The following EDEM1 variants were observed in gnomAD, a reference collection of about 807,000 sequenced individuals.
EDEM1 encodes ER degradation-enhancing alpha-mannosidase-like protein 1.
EDEM1 carries 67 observed loss-of-function variants against 74.4 expected under a neutral mutation model. The ratio of observed to expected loss-of-function variants is 0.90; its 90% confidence interval spans 0.74 to 1.10. The LOEUF is 1.10. Ranked by LOEUF, EDEM1 falls within the 50% of genes least tolerant of loss-of-function variation. EDEM1 has a pLI of 0.00. For synonymous variants in EDEM1, 382 were observed against 335.9 expected (o/e 1.14, Z -1.50); for missense variants, 926 against 851.6 (o/e 1.09, Z -1.09).
At position 5,216,230 on chromosome 3, in the gene EDEM1, C is replaced by G; in HGVS notation, c.*312C>G. ...GATTGATGTTCACAGCTTTATACTT[C>G]AGAACCTAAGTCTCTTCACTTTGCT... On this transcript the variant is annotated 3_prime_UTR_variant, in exon 12 of 12. Coordinates refer to ENST00000256497, the MANE Select transcript of EDEM1 (RefSeq NM_014674.3). The G allele has an allele frequency of 3.1e-6, 1 of 321,824 alleles. No individual in the cohort carries two copies. Among genetic ancestry groups the G allele is most frequent in the Non-Finnish European group, 5.6e-6 (1 of 178,758 alleles). 19.9% of individuals were successfully genotyped at this position (321,824 alleles called of 1,614,324 possible).
In EDEM1 at chr3:5,217,582, A is replaced by G. The variant is rs1027190168; in HGVS notation, c.*1664A>G. The G allele has an allele frequency of 2.0e-5, 3 of 152,616 alleles. No individual in the cohort carries two copies. Among genetic ancestry groups the G allele is most frequent in the African/African-American group, 7.2e-5 (3 of 41,436 alleles). 9.5% of individuals were successfully genotyped at this position (152,616 alleles called of 1,614,324 possible). A position where few individuals can be genotyped will look rare whatever the true frequency, so the allele number is the denominator to read the frequency against. Reference sequence around the variant, plus strand: ...GTTCTTTGAGATTTTTGAAAAGAGTATTTTCAGTAATAAACGTGCCATCTC... The same window carrying G: ...GTTCTTTGAGATTTTTGAAAAGAGTGTTTTCAGTAATAAACGTGCCATCTC... On this transcript the variant is annotated 3_prime_UTR_variant, in exon 12 of 12. Coordinates refer to ENST00000256497, the MANE Select transcript of EDEM1 (RefSeq NM_014674.3).
chr3:5,210,312 G>T, intron 9 of EDEM1, 64 bp downstream of exon 9: 2 of 1,447,718 alleles, frequency 1.4e-6, no homozygotes, highest in South Asian at 1.2e-5. Flanking sequence ...AATTGTTTTG[G>T]GGAAATATCC....
At chr3:5,200,447 C>G (rs892937053) in intron 3 of EDEM1, among the ~76,000 whole-genome samples, 1 of 152,152 alleles carries the variant, frequency 6.6e-6, no homozygotes, top group South Asian at 2.1e-4. Context: ...TCTCTCACTT[C>G]TATTTCTCTC....
intron 6 of EDEM1, among the ~76,000 whole-genome samples, chr3:5,206,467 A>C (rs887349655): frequency 6.6e-6 from 1 of 151,876 alleles, no homozygotes; most frequent in Non-Finnish European, 1.5e-5. Context: ...CGGCCTCCCA[A>C]AGTGCTGGGA....
At chr3:5,210,929 C>T (rs978289452) in intron 9 of EDEM1, among the ~76,000 whole-genome samples, 191 bp from the exon 10 acceptor site, 2 of 152,210 alleles carry the variant, frequency 1.3e-5, no homozygotes, top group Admixed American at 6.5e-5. Context: ...ATTTAGCAGC[C>T]AAAAGCACTT....
In EDEM1 at chr3:5,187,745, T is replaced by C. The variant is rs2054840988; in HGVS notation, c.-61T>C. 2 of 1,448,552 alleles carry C rather than the reference T, an allele frequency of 1.4e-6. No individual in the cohort carries two copies. The highest frequency in any genetic ancestry group is 1.8e-6 in the Non-Finnish European group (2 of 1,100,546). The allele number at this position is 1,448,552 out of a possible 1,614,324, so 89.7% of individuals were successfully genotyped here. ...GCCGGGCTACGGGGCGAGCGCGGGG[T>C]GCGGTGGTCGGCGGGGAGGCCCCCG... On this transcript the variant is annotated 5_prime_UTR_variant, in exon 1 of 12. Coordinates refer to ENST00000256497, the MANE Select transcript of EDEM1 (RefSeq NM_014674.3).
chr3:5,199,533 T>G, intron 2 of EDEM1, 59 bp from the exon 3 acceptor site: 1 of 1,296,224 alleles, frequency 7.7e-7, no homozygotes, highest in Non-Finnish European at 1.1e-6. Context: ...GCTGCTGTGA[T>G]GATACAGCCT....
At chr3:5,208,893 T>G (rs1160009963) in intron 8 of EDEM1, among the ~76,000 whole-genome samples, 1 of 152,062 alleles carries the variant, frequency 6.6e-6, no homozygotes, top group Non-Finnish European at 1.5e-5. Flanking sequence ...AGCCAGGTAT[T>G]TATACTTCTG....
At chr3:5,211,039 T>C in intron 9 of EDEM1, 81 bp from the exon 10 acceptor site, 2 of 1,253,854 alleles carry the variant, frequency 1.6e-6, no homozygotes, top group Non-Finnish European at 1.2e-6. Flanking sequence ...ATTATTCTGA[T>C]AAGAGAATGT....
intron 6 of EDEM1, 87 bp from the exon 7 acceptor site, chr3:5,207,066 A>C: frequency 6.5e-7 from 1 of 1,549,952 alleles, no homozygotes; most frequent in African/African-American, 1.4e-5. Flanking sequence ...AATTCCGTTT[A>C]AATGAAACTA....
At chr3:5,192,462 C>T (rs961475496) in intron 1 of EDEM1, among the ~76,000 whole-genome samples, 4 of 152,180 alleles carry the variant, frequency 2.6e-5, no homozygotes, top group African/African-American at 4.8e-5. Context: ...TCCATCTTTT[C>T]TGTTTTGAGG....
Position 5,210,262 on chromosome 3 carries a change from GT to G in EDEM1, c.1583+16del. 2 of 1,610,482 alleles carry G rather than the reference GT, an allele frequency of 1.2e-6. No homozygotes were observed. The highest frequency in any genetic ancestry group is 1.7e-6 in the Non-Finnish European group (2 of 1,176,970). Reference sequence around the variant, plus strand: ...CACAAAAGTCAAGTCAGTTTTCTAAGTTCCTACCTTTTTCTGTCAGCCACTT... The same window carrying G: ...CACAAAAGTCAAGTCAGTTTTCTAAGTCCTACCTTTTTCTGTCAGCCACTT... On this transcript the variant is annotated intron_variant, in intron 9 of 11. Transcript: ENST00000256497.
At chr3:5,208,366 T>G in intron 8 of EDEM1, 103 bp downstream of exon 8, 2 of 1,373,554 alleles carry the variant, frequency 1.5e-6, no homozygotes, top group African/African-American at 1.5e-5. Flanking sequence ...TTATGTTGTT[T>G]CATAGTGACT....
chr3:5,206,521 G>A (rs2055099190), intron 6 of EDEM1, among the ~76,000 whole-genome samples: 1 of 152,034 alleles, frequency 6.6e-6, no homozygotes, highest in Non-Finnish European at 1.5e-5. Flanking sequence ...ATCTTTCTTT[G>A]TATGTATTTC....
chr3:5,198,367 C>G (rs960940079), intron 2 of EDEM1, among the ~76,000 whole-genome samples: 2 of 152,132 alleles, frequency 1.3e-5, no homozygotes, highest in Admixed American at 6.6e-5. Context: ...TCTGATTAGC[C>G]TTTCACGGAA....
intron 3 of EDEM1, among the ~76,000 whole-genome samples, chr3:5,200,984 A>G (rs2055028066): frequency 6.7e-6 from 1 of 149,916 alleles, no homozygotes; most frequent in African/African-American, 2.5e-5. Flanking sequence ...GCAGCCTTGA[A>G]CTCCTGGGCT....
At chr3:5,205,470 C>T (rs1488206752) in intron 6 of EDEM1, among the ~76,000 whole-genome samples, 1 of 152,228 alleles carries the variant, frequency 6.6e-6, no homozygotes, top group African/African-American at 2.4e-5. Context: ...AGCATTATCT[C>T]ATGAAGTTTC....
Position 5,199,578 on chromosome 3 carries a change from T to A in EDEM1, c.583-14T>A. 1.3e-6 allele frequency: 2 copies of A among 1,594,606 alleles called. No homozygotes were observed. Among genetic ancestry groups the A allele is most frequent in the Non-Finnish European group, 1.7e-6 (2 of 1,163,632 alleles). Reference sequence around the variant, plus strand: ...TTCAAGTTGCTGTAATGACCTGTGTTCCTCTTTTTAAAGATAATGGGAAAT... The same window carrying A: ...TTCAAGTTGCTGTAATGACCTGTGTACCTCTTTTTAAAGATAATGGGAAAT... On this transcript the variant is annotated splice_polypyrimidine_tract_variant and intron_variant, in intron 2 of 11. Coordinates refer to ENST00000256497, the MANE Select transcript of EDEM1 (RefSeq NM_014674.3).
intron 10 of EDEM1, among the ~76,000 whole-genome samples, chr3:5,212,403 A>G (rs1183782229): frequency 6.6e-6 from 1 of 152,228 alleles, no homozygotes; most frequent in Non-Finnish European, 1.5e-5. Flanking sequence ...CAGGCTGGTC[A>G]GAGCCTAGCT....
Sources: gnomAD v4.1 joint callset for allele counts (sites outside exome capture counted in the v4.1 genomes callset) on GRCh38, gnomAD v4.1.1 for gene constraint, MANE v1.5 for transcripts, NCBI Gene and HGNC (gene_info 2026-07-23, HGNC 2026-07-21) for gene names.